SPOP: variants seen among roughly 807,000 people sequenced by gnomAD.
The protein encoded by SPOP is speckle type BTB/POZ protein.
A neutral mutation model predicts 45.6 loss-of-function variants in SPOP; 11 were observed. That is an observed-to-expected ratio of 0.24 (90% CI 0.15 to 0.40). The LOEUF is 0.40. Ranked by LOEUF, SPOP falls within the 10% of genes least tolerant of loss-of-function variation. SPOP has a pLI of 1.00. For synonymous variants in SPOP, 166 were observed against 166.3 expected (o/e 1.00, Z 0.01); for missense variants, 152 against 465.6 (o/e 0.33, Z 6.20).
chr17:49,622,780 C>A lies in SPOP; in HGVS notation c.31G>T (p.Ala11Ser). 6.2e-7 allele frequency: 1 copy of A among 1,614,114 alleles called. No homozygotes were observed. The highest frequency in any genetic ancestry group is 1.1e-5 in the South Asian group (1 of 91,088). Residue 11 changes from alanine (A) to serine (S), a missense_variant, in exon 2 of 10, where the codon GCA becomes TCA. Coordinates refer to ENST00000504102, the MANE Select transcript of SPOP (RefSeq NM_001007228.2). Reference sequence around the variant, plus strand: ...GCTACGGGGCCACTCGACATTTCTGCCGGAGGTGGAGGACTTGGAACCCTT... The same window carrying A: ...GCTACGGGGCCACTCGACATTTCTGACGGAGGTGGAGGACTTGGAACCCTT... MSRVPSPPPPAEMSSGPVAES... is the reference protein window; with the variant it reads MSRVPSPPPPSEMSSGPVAES...
At chr17:49,660,820 G>A (rs1448901175) in intron 1 of SPOP, among the ~76,000 whole-genome samples, 3 of 152,104 alleles carry the variant, frequency 2.0e-5, no homozygotes, top group Non-Finnish European at 4.4e-5. Flanking sequence ...AAAAAAATTA[G>A]CCAGGTGTGG....
chr17:49,641,302 C>T (rs963791861), intron 1 of SPOP, among the ~76,000 whole-genome samples: 5 of 148,270 alleles, frequency 3.4e-5, no homozygotes, highest in Admixed American at 2.7e-4. Flanking sequence ...CAATTCCCTC[C>T]GTTAACAACC....
At chr17:49,660,730 C>T (rs1310294589) in intron 1 of SPOP, among the ~76,000 whole-genome samples, 9 of 152,060 alleles carry the variant, frequency 5.9e-5, no homozygotes, top group African/African-American at 9.7e-5. Flanking sequence ...TTTGGGAGGC[C>T]GAGACAGGCG....
intron 1 of SPOP, among the ~76,000 whole-genome samples, chr17:49,661,208 CA>C (rs2072983669): frequency 6.6e-6 from 1 of 152,134 alleles, no homozygotes; most frequent in African/African-American, 2.4e-5. Flanking sequence ...TTTCTTCAAT[CA>C]AAAGTTTTCA....
intron 1 of SPOP, among the ~76,000 whole-genome samples, chr17:49,651,493 G>A (rs2072842633): frequency 6.6e-6 from 1 of 152,134 alleles, no homozygotes; most frequent in Admixed American, 6.5e-5. Flanking sequence ...AACTCTATTT[G>A]TTCTTGGCTC....
intron 1 of SPOP, among the ~76,000 whole-genome samples, chr17:49,668,918 A>C (rs1250506103): frequency 6.6e-6 from 1 of 151,706 alleles, no homozygotes; most frequent in East Asian, 1.9e-4. Flanking sequence ...CTGGGACTAC[A>C]GGCGCCCGCC....
intron 5 of SPOP, among the ~76,000 whole-genome samples, chr17:49,614,618 A>G (rs1247443059): frequency 6.6e-6 from 1 of 152,200 alleles, no homozygotes; most frequent in African/African-American, 2.4e-5. Flanking sequence ...CTCATGCTTT[A>G]TAACCTACAA....
chr17:49,603,549 C>T (rs557851970), intron 8 of SPOP, among the ~76,000 whole-genome samples: 5 of 152,310 alleles, frequency 3.3e-5, no homozygotes, highest in East Asian at 1.9e-4. Flanking sequence ...CCTAGCCCAA[C>T]GAGTTTTGTT....
chr17:49,630,761 T>C (rs559407035), intron 1 of SPOP, among the ~76,000 whole-genome samples: 1 of 152,286 alleles, frequency 6.6e-6, no homozygotes, highest in South Asian at 2.1e-4. Flanking sequence ...CTGTTTTCAT[T>C]TTTTAAATTC....
rs2071704541 is a variant in SPOP, at chr17:49,599,677, G to T, written c.*701C>A. The T allele has an allele frequency of 4.8e-6, 1 of 208,852 alleles. No individual in the cohort carries two copies. The highest frequency in any genetic ancestry group is 5.9e-5 in the Admixed American group (1 of 16,868). 12.9% of individuals were successfully genotyped at this position (208,852 alleles called of 1,614,324 possible). A position where few individuals can be genotyped will look rare whatever the true frequency, so the allele number is the denominator to read the frequency against. On this transcript the variant is annotated 3_prime_UTR_variant, in exon 10 of 10. Coordinates refer to ENST00000504102, the MANE Select transcript of SPOP (RefSeq NM_001007228.2). ...TTTTCCAGTTTTCAACACCAATAAA[G>T]ATTTTTGCAAAAGCCACCACATCAG...
chr17:49,618,538 C>G (rs1333388576), intron 5 of SPOP: 1 of 456,380 alleles, frequency 2.2e-6, no homozygotes, highest in South Asian at 1.5e-5. Context: ...CAAGACAAAC[C>G]ATAGGCCTCA....
At chr17:49,606,495 C>CT (rs71146920) in intron 8 of SPOP, among the ~76,000 whole-genome samples, 41 of 69,298 alleles carry the variant, frequency 5.9e-4, no homozygotes, top group African/African-American at 1.0e-3. Flanking sequence ...TTTCTTTTTT[C>CT]TTTTTTTTTT....
At chr17:49,615,846 C>A (rs933571382) in intron 5 of SPOP, among the ~76,000 whole-genome samples, 5 of 152,082 alleles carry the variant, frequency 3.3e-5, no homozygotes, top group Admixed American at 2.6e-4. Context: ...GTTTGCTGCA[C>A]AATGTTAGGA....
At chr17:49,605,894 A>T (rs1471166778) in intron 8 of SPOP, among the ~76,000 whole-genome samples, 1 of 151,304 alleles carries the variant, frequency 6.6e-6, no homozygotes, top group Admixed American at 6.6e-5. Flanking sequence ...AGGCTGAGGC[A>T]GGAGAATCAC....
At chr17:49,639,113 T>C (rs1427766941) in intron 1 of SPOP, among the ~76,000 whole-genome samples, 6 of 152,166 alleles carry the variant, frequency 3.9e-5, no homozygotes, top group African/African-American at 1.2e-4. Flanking sequence ...CCTCTGAGGA[T>C]AGAAAGATAG....
At chr17:49,648,005 T>A (rs2072787376) in intron 1 of SPOP, among the ~76,000 whole-genome samples, 1 of 152,208 alleles carries the variant, frequency 6.6e-6, no homozygotes, top group Non-Finnish European at 1.5e-5. Flanking sequence ...ATTTCAGGTG[T>A]CCATACTAAC....
chr17:49,622,043 T>C lies in SPOP; in HGVS notation c.103A>G (p.Met35Val), dbSNP rs2072230427. The change falls in exon 3 of 10, where the codon ATG (methionine) becomes GTG (valine). Residue 35 changes from methionine (M) to valine (V), a missense_variant. Around this residue, in one of 3 missense-constraint regions of SPOP, gnomAD observed 28 missense variants for 176.8 expected, o/e 0.16. Transcript: ENST00000504102. Reference protein sequence around the residue: ...TQIKVVKFSYMWTINNFSFCR... With the variant: ...TQIKVVKFSYVWTINNFSFCR... ...AAGCTAAAGTTATTGATGGTCCACA[T>C]GTAGGAGAATTTCACTACCTTGATC... is the stretch of plus-strand genomic sequence containing the variant. 1 of 1,613,850 alleles carries C rather than the reference T, an allele frequency of 6.2e-7. No homozygotes were observed.
intron 1 of SPOP, among the ~76,000 whole-genome samples, chr17:49,650,763 G>A (rs1203282303): frequency 2.0e-5 from 3 of 152,206 alleles, no homozygotes; most frequent in Admixed American, 6.5e-5. Flanking sequence ...AAGCTGATTT[G>A]AATAAAGTGA....
At chr17:49,637,994 C>A (rs148592172) in intron 1 of SPOP, among the ~76,000 whole-genome samples, 1 of 152,190 alleles carries the variant, frequency 6.6e-6, no homozygotes, top group South Asian at 2.1e-4. Context: ...TGCAGGCACA[C>A]GCCACCATGC....
Sources: gnomAD v4.1 joint callset for allele counts (sites outside exome capture counted in the v4.1 genomes callset) on GRCh38, gnomAD v4.1.1 for gene constraint, gnomAD v4.1.1 regional missense constraint, MANE v1.5 for transcripts, NCBI Gene and HGNC (gene_info 2026-07-23, HGNC 2026-07-21) for gene names.